Variants in GLG1 observed in about 807,000 individuals in gnomAD.
GLG1 encodes the protein golgi glycoprotein 1.
Under a neutral mutation model 160.5 loss-of-function variants are expected in GLG1, and 38 were observed. That is an observed-to-expected ratio of 0.24 (90% confidence interval 0.18 to 0.31). GLG1 has a LOEUF of 0.31. GLG1 is among the 10% of genes least tolerant of loss of function. The pLI is 1.00. For synonymous variants in GLG1, 644 were observed against 543.4 expected (o/e 1.19, Z -2.57); for missense variants, 1,373 against 1,505.2 (o/e 0.91, Z 1.45).
chr16:74,451,022 C>T lies in GLG1; in HGVS notation c.*2145G>A, dbSNP rs2014272740. The stretch of plus-strand genomic sequence containing the variant: ...AGGAGACTGCAGAGAGGAAGGATAC[C>T]CCACCCGGTCAAACAGTGAACATCC... On this transcript the variant is annotated 3_prime_UTR_variant, in exon 26 of 26. Coordinates refer to ENST00000422840, the MANE Select transcript of GLG1 (RefSeq NM_001145667.2). The T allele has an allele frequency of 6.6e-6, 1 of 152,126 alleles. No individual in the cohort carries two copies. The highest frequency in any genetic ancestry group is 2.4e-5 in the African/African-American group (1 of 41,422). 9.4% of individuals were successfully genotyped at this position (152,126 alleles called of 1,614,324 possible).
Position 74,471,274 on chromosome 16 carries a change from T to C in GLG1, c.2128A>G (p.Asn710Asp), listed in dbSNP as rs1326251969. The C allele has an allele frequency of 6.4e-7, 1 of 1,571,982 alleles. No homozygotes were observed. The highest frequency in any genetic ancestry group is 1.1e-5 in the South Asian group (1 of 90,080). ...IQNFCHDVAD[N>D]QIDSGDLMEC... ...ATCAGGTCCCCAGAGTCTATCTGGT[T>C]ATCTGCCACATCCTGGGGAAGACAG... The change falls in exon 15 of 26, where the codon AAC becomes GAC. Residue 710 changes from asparagine to aspartate, a missense_variant. This residue lies in a region of GLG1 where 491 missense variants were observed against 632.1 expected (regional missense o/e 0.78). Transcript: ENST00000422840.
intron 1 of GLG1, among the ~76,000 whole-genome samples, chr16:74,596,837 C>T (rs1403158624): frequency 6.6e-6 from 1 of 152,184 alleles, no homozygotes; most frequent in Non-Finnish European, 1.5e-5. Context: ...ATGTAATAGG[C>T]TGGGTACAGT....
At chr16:74,583,847 G>A (rs1296516630) in intron 1 of GLG1, among the ~76,000 whole-genome samples, 3 of 152,084 alleles carry the variant, frequency 2.0e-5, no homozygotes, top group African/African-American at 7.2e-5. Context: ...TTTAGAAGGG[G>A]GAGCTGAGGG....
At chr16:74,454,056 G>A (rs558152949) in intron 25 of GLG1, among the ~76,000 whole-genome samples, 95 of 151,938 alleles carry the variant, frequency 6.3e-4, no homozygotes, top group African/African-American at 2.1e-3. Context: ...GGTATTTTTA[G>A]TAGAGACGGG....
intron 2 of GLG1, among the ~76,000 whole-genome samples, chr16:74,522,930 C>G (rs1485810394): frequency 2.0e-5 from 3 of 152,186 alleles, no homozygotes; most frequent in Admixed American, 2.0e-4. Context: ...GCAGTCCTCT[C>G]ACTCTGGCCT....
chr16:74,453,378 G>T, intron 25 of GLG1, 44 bp from the exon 26 acceptor site: 2 of 1,326,172 alleles, frequency 1.5e-6, no homozygotes, highest in Non-Finnish European at 2.2e-6. Context: ...AGAGCACTGG[G>T]CTGGTGGCAG....
At chr16:74,462,297 C>T (rs904842020) in intron 21 of GLG1, 102 bp from the exon 22 acceptor site, 2 of 808,858 alleles carry the variant, frequency 2.5e-6, no homozygotes, top group African/African-American at 1.7e-5. Context: ...ACCACAAGAA[C>T]AAGAAAAAAA....
At chr16:74,596,715 G>A (rs1054645206) in intron 1 of GLG1, among the ~76,000 whole-genome samples, 1 of 152,194 alleles carries the variant, frequency 6.6e-6, no homozygotes, top group African/African-American at 2.4e-5. Context: ...GGGACAGGGG[G>A]GAAAATGAGC....
At chr16:74,573,117 A>T (rs1283081201) in intron 1 of GLG1, among the ~76,000 whole-genome samples, 5 of 152,194 alleles carry the variant, frequency 3.3e-5, no homozygotes, top group Admixed American at 2.6e-4. Context: ...TTTTTCACAT[A>T]TCCTCAGACC....
At chr16:74,460,184 G>A (rs1266596945) in intron 22 of GLG1, among the ~76,000 whole-genome samples, 1 of 152,156 alleles carries the variant, frequency 6.6e-6, no homozygotes, top group East Asian at 1.9e-4. Flanking sequence ...ACCATGCCCA[G>A]CTAATTTTGT....
chr16:74,469,217 T>TA (rs1461958294), intron 16 of GLG1, 154 bp from the exon 17 acceptor site: 20 of 613,656 alleles, frequency 3.3e-5, no homozygotes, highest in Non-Finnish European at 5.6e-5. Context: ...TTCAGGGTGC[T>TA]AAAAGCTGCA....
intron 1 of GLG1, among the ~76,000 whole-genome samples, chr16:74,596,854 T>C (rs1958315457): frequency 6.6e-6 from 1 of 152,136 alleles, no homozygotes; most frequent in South Asian, 2.1e-4. Flanking sequence ...CAGTGGCACA[T>C]GCCTATAATT....
At chr16:74,588,733 T>C (rs79731668) in intron 1 of GLG1, among the ~76,000 whole-genome samples, 4,436 of 152,198 alleles carry the variant, frequency 0.029, 144 homozygotes, top group African/African-American at 0.08. Flanking sequence ...CTTAACATTA[T>C]GTGACTTGGG....
intron 3 of GLG1, among the ~76,000 whole-genome samples, chr16:74,506,623 C>CACATTTTG (rs931659978): frequency 9.9e-5 from 12 of 121,048 alleles, no homozygotes; most frequent in African/African-American, 3.6e-4. Context: ...AAACCAGGAG[C>CACATTTTG]ACATTTTGAA....
chr16:74,599,939 C>G (rs1376104323), intron 1 of GLG1, among the ~76,000 whole-genome samples: 1 of 151,652 alleles, frequency 6.6e-6, no homozygotes, highest in Admixed American at 6.6e-5. Flanking sequence ...GAGGTGGAGC[C>G]AGGAGAATCG....
chr16:74,555,352 G>A (rs1488266515), intron 1 of GLG1, among the ~76,000 whole-genome samples: 1 of 151,996 alleles, frequency 6.6e-6, no homozygotes, highest in African/African-American at 2.4e-5. Flanking sequence ...AAAAATTAAC[G>A]CAAGTTTCCT....
chr16:74,485,808 G>T lies in GLG1; in HGVS notation c.1559C>A (p.Ser520Tyr), dbSNP rs767165122. ...GAAGATAACTTACATTGGGTCTCCA[G>T]ATCTTATATGTTTGCAGGCTGTCTG... ...VIQTACKHIR[S>Y]GDPMILSCLM... The change falls in exon 9 of 26, where the codon TCT becomes TAT. Residue 520 changes from serine (S) to tyrosine (Y), a missense_variant. Ser to Tyr is a moderately radical substitution (Grantham distance 144). Transcript: ENST00000422840. 25 of 1,613,020 alleles carry T rather than the reference G, an allele frequency of 1.5e-5. No individual in the cohort carries two copies. The highest frequency in any genetic ancestry group is 2.1e-5 in the Non-Finnish European group (25 of 1,179,274).
intron 16 of GLG1, 113 bp downstream of exon 16, chr16:74,469,872 C>T (rs2015133848): frequency 1.3e-6 from 1 of 749,822 alleles, no homozygotes; most frequent in South Asian, 1.5e-5. Flanking sequence ...TGCGGGAGGC[C>T]TCCAGGGCTA....
intron 2 of GLG1, among the ~76,000 whole-genome samples, chr16:74,531,554 T>A (rs1227169943): frequency 1.3e-5 from 2 of 152,230 alleles, no homozygotes; most frequent in South Asian, 4.2e-4. Flanking sequence ...CTCAAACTCC[T>A]GGTCTCAAGT....
Sources: gnomAD v4.1 joint callset for allele counts (sites outside exome capture counted in the v4.1 genomes callset) on GRCh38, gnomAD v4.1.1 for gene constraint, gnomAD v4.1.1 regional missense constraint, MANE v1.5 for transcripts, NCBI Gene and HGNC (gene_info 2026-07-23, HGNC 2026-07-21) for gene names.